The following LINGO2 variants were observed in gnomAD, a reference collection of about 807,000 sequenced individuals.
LINGO2 encodes the protein leucine-rich repeat and immunoglobulin-like domain-containing nogo receptor-interacting protein 2.
LINGO2 carries 14 observed loss-of-function variants against 30.6 expected under a neutral mutation model. The ratio of observed to expected loss-of-function variants is 0.46; its 90% CI spans 0.30 to 0.72. The LOEUF (loss-of-function observed/expected upper bound fraction) is 0.72, where lower values mean the gene tolerates loss of function less well. LINGO2 is among the 30% of genes least tolerant of loss of function. The probability of loss-of-function intolerance (pLI) is 0.07; values close to 1 mark genes in which losing one functional copy is unlikely to be tolerated. For missense variants in LINGO2, 729 were observed against 751.7 expected, an observed-to-expected ratio of 0.97 and a Z score of 0.35; for synonymous variants, 317 against 288.5, an observed-to-expected ratio of 1.10 and a Z score of -1.00.
intron 1 of LINGO2, among the ~76,000 whole-genome samples, chr9:28,597,174 C>A (rs933204158): frequency 6.6e-6 from 1 of 151,966 alleles, no homozygotes; most frequent in Non-Finnish European, 1.5e-5. Flanking sequence ...TGCCTGGGGA[C>A]CAATTTAATT....
chr9:28,198,360 T>C (rs1820093779), intron 4 of LINGO2, among the ~76,000 whole-genome samples: 1 of 152,108 alleles, frequency 6.6e-6, no homozygotes, highest in Admixed American at 6.5e-5. Flanking sequence ...TGCTTGGATA[T>C]GCACAGATAC....
chr9:28,953,762 T>C, the LINGO2 span, among the ~76,000 whole-genome samples: 3 of 152,198 alleles, frequency 2.0e-5, no homozygotes, highest in South Asian at 6.2e-4. Context: ...TTTGATAGCA[T>C]AGCAACATTT....
chr9:29,111,867 A>ATG, the LINGO2 span, among the ~76,000 whole-genome samples: 1 of 150,428 alleles, frequency 6.6e-6, no homozygotes, highest in Non-Finnish European at 1.5e-5. Context: ...TCATGTATAT[A>ATG]TGTGTGTATA....
At chr9:29,076,820 G>C in the LINGO2 span, among the ~76,000 whole-genome samples, 2 of 151,740 alleles carry the variant, frequency 1.3e-5, no homozygotes, top group East Asian at 3.9e-4. Flanking sequence ...TATAATTAAA[G>C]AGGTAATAAG....
intron 4 of LINGO2, among the ~76,000 whole-genome samples, chr9:28,018,117 C>T (rs531331018): frequency 6.6e-6 from 1 of 152,106 alleles, no homozygotes; most frequent in African/African-American, 2.4e-5. Context: ...AAAGGGATAC[C>T]TAGTCAATAA....
At chr9:28,320,674 C>T (rs1331923) in intron 3 of LINGO2, among the ~76,000 whole-genome samples, 119,627 of 152,148 alleles carry the variant, frequency 0.79, 48,784 homozygotes, top group Non-Finnish European at 0.91. Context: ...AGTTTAATGA[C>T]GGGAGCCAGA....
At chr9:28,165,798 G>A (rs1217787838) in intron 4 of LINGO2, among the ~76,000 whole-genome samples, 1 of 152,074 alleles carries the variant, frequency 6.6e-6, no homozygotes, top group Non-Finnish European at 1.5e-5. Context: ...TTAAAGATTA[G>A]AATATCGATC....
chr9:28,438,418 C>T (rs1824042356), intron 2 of LINGO2, among the ~76,000 whole-genome samples: 1 of 152,106 alleles, frequency 6.6e-6, no homozygotes, highest in African/African-American at 2.4e-5. Flanking sequence ...CTTCTTCAGT[C>T]CTCAAACATC....
chr9:29,007,558 C>CT, the LINGO2 span, among the ~76,000 whole-genome samples: 1 of 151,998 alleles, frequency 6.6e-6, no homozygotes, highest in African/African-American at 2.4e-5. Context: ...CACTGAAGGC[C>CT]TTTTTTTCTG....
chr9:28,993,862 G>A, the LINGO2 span, among the ~76,000 whole-genome samples: 14 of 152,134 alleles, frequency 9.2e-5, no homozygotes, highest in South Asian at 2.1e-4. Flanking sequence ...CTGATGGGAC[G>A]TATCTCAAAA....
At chr9:29,109,300 C>T in the LINGO2 span, among the ~76,000 whole-genome samples, 2 of 152,158 alleles carry the variant, frequency 1.3e-5, no homozygotes, top group African/African-American at 2.4e-5. Context: ...TCAATGACTG[C>T]CCATTACGGT....
the LINGO2 span, among the ~76,000 whole-genome samples, chr9:28,890,144 T>G: frequency 2.6e-5 from 4 of 152,182 alleles, 1 homozygote; most frequent in South Asian, 8.3e-4. Context: ...GAGGTTTAAT[T>G]TTTAAGTCCT....
At chr9:29,183,975 G>A in the LINGO2 span, among the ~76,000 whole-genome samples, 5 of 151,846 alleles carry the variant, frequency 3.3e-5, no homozygotes, top group South Asian at 1.0e-3. Context: ...AACATCCGGA[G>A]TGCTTTTCAT....
intron 1 of LINGO2, among the ~76,000 whole-genome samples, chr9:28,658,027 GTTTAA>G (rs1404967813): frequency 6.6e-6 from 1 of 151,776 alleles, no homozygotes; most frequent in Non-Finnish European, 1.5e-5. Flanking sequence ...TGAGTGTATT[GTTTAA>G]TTTACACATA....
At chr9:29,189,276 C>T in the LINGO2 span, among the ~76,000 whole-genome samples, 4,378 of 150,960 alleles carry the variant, frequency 0.029, 210 homozygotes, top group African/African-American at 0.1. Flanking sequence ...GGGGGGCTGA[C>T]CGCCACCTCC....
chr9:28,483,729 T>C (rs1352378296), intron 1 of LINGO2, among the ~76,000 whole-genome samples: 1 of 152,038 alleles, frequency 6.6e-6, no homozygotes, highest in African/African-American at 2.4e-5. Context: ...ATGATTTACT[T>C]TATTCTAAAA....
the LINGO2 span, among the ~76,000 whole-genome samples, chr9:29,043,914 C>T: frequency 6.6e-6 from 1 of 151,988 alleles, no homozygotes; most frequent in Non-Finnish European, 1.5e-5. Flanking sequence ...TGCAAGAAAC[C>T]TGAGTTCAAG....
At chr9:28,150,100 T>G (rs1375121146) in intron 4 of LINGO2, among the ~76,000 whole-genome samples, 1 of 149,984 alleles carries the variant, frequency 6.7e-6, no homozygotes, top group African/African-American at 2.5e-5. Flanking sequence ...GAGGAGTGCT[T>G]CTGCCCAGCC....
the LINGO2 span, among the ~76,000 whole-genome samples, chr9:28,711,499 C>A: frequency 6.6e-6 from 1 of 152,036 alleles, no homozygotes; most frequent in Admixed American, 6.6e-5. Context: ...CCACCTAAGC[C>A]CCACCACACT....
Sources: gnomAD v4.1 joint callset for allele counts (sites outside exome capture counted in the v4.1 genomes callset) on GRCh38, gnomAD v4.1.1 for gene constraint, MANE v1.5 for transcripts, NCBI Gene and HGNC (gene_info 2026-07-23, HGNC 2026-07-21) for gene names.